TFPI: variants seen among roughly 807,000 people sequenced by gnomAD.
TFPI encodes anti-convertin.
TFPI carries 15 observed loss-of-function variants against 34.6 expected under a neutral mutation model. That is an observed-to-expected ratio of 0.43 (90% CI 0.29 to 0.67). The LOEUF (loss-of-function observed/expected upper bound fraction) is 0.67, where lower values mean the gene tolerates loss of function less well. Among genes scored for constraint, TFPI ranks in the 30% least tolerant of loss-of-function variants. TFPI has a pLI of 0.15. For synonymous variants in TFPI, 105 were observed against 120.1 expected (o/e 0.87, Z 0.82); for missense variants, 301 against 364.0 (o/e 0.83, Z 1.41).
chr2:187,533,613 C>A (rs1175584698), intron 1 of TFPI, among the ~76,000 whole-genome samples: 1 of 152,210 alleles, frequency 6.6e-6, no homozygotes, highest in Non-Finnish European at 1.5e-5. Flanking sequence ...TGAGGAAAAA[C>A]CAGCACAAAA....
At chr2:187,499,097 C>T (rs1448828103) in intron 2 of TFPI, among the ~76,000 whole-genome samples, 3 of 151,416 alleles carry the variant, frequency 2.0e-5, no homozygotes, top group Non-Finnish European at 4.4e-5. Flanking sequence ...TATTGGTGAA[C>T]ATTGACAAGT....
At position 187,503,775 on chromosome 2, in the gene TFPI, A is replaced by G. The variant is rs762998568; in HGVS notation, c.-2-5T>C. 3 of 1,612,080 alleles carry G rather than the reference A, an allele frequency of 1.9e-6. No homozygotes were observed. The stretch of plus-strand genomic sequence containing the variant: ...TCTTCATTGTGTAAATCATCTCTGA[A>G]ATACAGAACCCATACATATCTAATA... On this transcript the variant is annotated splice_region_variant and splice_polypyrimidine_tract_variant and intron_variant, in intron 1 of 7. Transcript: ENST00000233156.
At chr2:187,522,886 G>A (rs1283302618) in intron 1 of TFPI, among the ~76,000 whole-genome samples, 1 of 127,818 alleles carries the variant, frequency 7.8e-6, no homozygotes, top group African/African-American at 3.0e-5. Flanking sequence ...GCGAGACTGT[G>A]TCTCAAAATA....
At chr2:187,467,388 T>A (rs895467755) in intron 7 of TFPI, among the ~76,000 whole-genome samples, 1 of 152,050 alleles carries the variant, frequency 6.6e-6, no homozygotes, top group African/African-American at 2.4e-5. Flanking sequence ...CTTCTTAGTC[T>A]TTTATAAACA....
chr2:187,545,491 AT>A (rs1214954463), intron 1 of TFPI, among the ~76,000 whole-genome samples: 1 of 152,104 alleles, frequency 6.6e-6, no homozygotes, highest in Non-Finnish European at 1.5e-5. Context: ...CAGGAAATTG[AT>A]TTTTTCACCC....
intron 5 of TFPI, chr2:187,484,570 A>C (rs1287936190): frequency 4.0e-6 from 2 of 495,474 alleles, no homozygotes; most frequent in Admixed American, 4.0e-5. Flanking sequence ...ATTGTACTGC[A>C]GTATTCTCAG....
At chr2:187,485,179 T>C (rs1453501707) in intron 4 of TFPI, among the ~76,000 whole-genome samples, 192 bp from the exon 5 acceptor site, 2 of 151,868 alleles carry the variant, frequency 1.3e-5, no homozygotes, top group Non-Finnish European at 2.9e-5. Flanking sequence ...GCATTTCAAA[T>C]TCTAAATTTC....
intron 1 of TFPI, among the ~76,000 whole-genome samples, chr2:187,520,136 C>G (rs533481743): frequency 6.6e-6 from 1 of 152,246 alleles, no homozygotes; most frequent in Admixed American, 6.5e-5. Context: ...CTGGCTTCAG[C>G]CCCCTTTCCA....
At chr2:187,554,021 A>G (rs1689185158) in intron 1 of TFPI, 179 bp downstream of exon 1, 1 of 152,208 alleles carries the variant, frequency 6.6e-6, no homozygotes, top group Admixed American at 6.5e-5. Flanking sequence ...TGAGAACTCA[A>G]GTTTGGATTG....
chr2:187,482,320 A>G (rs958402613), intron 6 of TFPI, among the ~76,000 whole-genome samples: 2 of 152,126 alleles, frequency 1.3e-5, no homozygotes, highest in Admixed American at 1.3e-4. Context: ...TTACAGCAGT[A>G]AGATTTAACG....
chr2:187,491,498 T>C (rs1685121437), intron 3 of TFPI, among the ~76,000 whole-genome samples: 2 of 152,128 alleles, frequency 1.3e-5, no homozygotes, highest in Admixed American at 6.6e-5. Flanking sequence ...TCCAGTTCCA[T>C]CCATGCTGCT....
chr2:187,473,255 G>A (rs8176565), intron 6 of TFPI, among the ~76,000 whole-genome samples: 8 of 152,126 alleles, frequency 5.3e-5, no homozygotes, highest in East Asian at 1.9e-4. Flanking sequence ...TCAGTTGGGA[G>A]GATGATTACT....
intron 6 of TFPI, among the ~76,000 whole-genome samples, chr2:187,475,762 T>C (rs1039502020): frequency 1.3e-5 from 2 of 152,178 alleles, no homozygotes; most frequent in African/African-American, 2.4e-5. Flanking sequence ...CACTAAGATA[T>C]GTCATTCTGA....
chr2:187,472,722 A>G (rs1161279100), intron 6 of TFPI, among the ~76,000 whole-genome samples: 2 of 152,174 alleles, frequency 1.3e-5, no homozygotes, highest in Non-Finnish European at 2.9e-5. Flanking sequence ...ATAAACAAAG[A>G]AAGACACGGC....
At chr2:187,516,614 G>C (rs1004219618) in intron 1 of TFPI, 3 of 152,148 alleles carry the variant, frequency 2.0e-5, no homozygotes, top group African/African-American at 7.2e-5. Context: ...AAGAGAGGGG[G>C]ATAAGGGAGG....
Position 187,484,981 on chromosome 2 carries a change from G to A in TFPI, c.365C>T (p.Pro122Leu). The A allele has an allele frequency of 1.4e-6, 2 of 1,465,938 alleles. No homozygotes were observed. Among genetic ancestry groups the A allele is most frequent in the Non-Finnish European group, 9.0e-7 (1 of 1,107,744 alleles). The allele number at this position is 1,465,938 out of a possible 1,614,324, so 90.8% of individuals were successfully genotyped here. A position where few individuals can be genotyped will look rare whatever the true frequency, so the allele number is the denominator to read the frequency against. ...ATCTTCTTCCAAAAAGCAGAAATCT[G>A]GCTTTTCTAGAAATTATAAAAATGT... is the stretch of plus-strand genomic sequence containing the variant. Reference protein sequence around the residue: ...IIKTTLQQEKPDFCFLEEDPG... With the variant: ...IIKTTLQQEKLDFCFLEEDPG... The change falls in exon 5 of 8, where the codon CCA (proline) becomes CTA (leucine). Residue 122 changes from proline (P) to leucine (L), a missense_variant. Coordinates refer to ENST00000233156, the MANE Select transcript of TFPI (RefSeq NM_006287.6).
intron 6 of TFPI, among the ~76,000 whole-genome samples, chr2:187,471,460 G>A (rs995055047): frequency 2.0e-5 from 3 of 152,042 alleles, no homozygotes; most frequent in Non-Finnish European, 2.9e-5. Context: ...AAGGTTTTGC[G>A]AAATGTAATT....
intron 6 of TFPI, among the ~76,000 whole-genome samples, chr2:187,469,402 A>G (rs1691901789): frequency 6.6e-6 from 1 of 152,272 alleles, no homozygotes; most frequent in African/African-American, 2.4e-5. Flanking sequence ...AAATGAAAAC[A>G]TCGTTTTAAA....
intron 1 of TFPI, among the ~76,000 whole-genome samples, chr2:187,550,727 T>C (rs1015528668): frequency 6.6e-6 from 1 of 152,198 alleles, no homozygotes; most frequent in Non-Finnish European, 1.5e-5. Context: ...CATTTTAATA[T>C]AACCATTGTG....
Sources: gnomAD v4.1 joint callset for allele counts (sites outside exome capture counted in the v4.1 genomes callset) on GRCh38, gnomAD v4.1.1 for gene constraint, MANE v1.5 for transcripts, NCBI Gene and HGNC (gene_info 2026-07-23, HGNC 2026-07-21) for gene names.